The following CNTNAP5 variants were observed in gnomAD, a reference collection of about 807,000 sequenced individuals.
CNTNAP5 encodes the protein contactin-associated protein-like 5.
Under a neutral mutation model 150.2 loss-of-function variants are expected in CNTNAP5, and 72 were observed. The ratio of observed to expected loss-of-function variants is 0.48; its 90% CI spans 0.40 to 0.58. The LOEUF (loss-of-function observed/expected upper bound fraction) is 0.58. CNTNAP5 is among the 20% of genes least tolerant of loss of function. The pLI is 0.00. For synonymous variants in CNTNAP5, 672 were observed against 619.8 expected, an observed-to-expected ratio of 1.08 and a Z score of -1.25; for missense variants, 1,636 against 1,626.2, an observed-to-expected ratio of 1.01 and a Z score of -0.10.
intron 3 of CNTNAP5, among the ~76,000 whole-genome samples, chr2:124,340,021 T>C (rs999952805): frequency 1.3e-5 from 2 of 152,194 alleles, no homozygotes; most frequent in African/African-American, 4.8e-5. Flanking sequence ...TCTTATGACC[T>C]CTGTCCACAT....
At chr2:124,862,067 G>C (rs1348318114) in intron 19 of CNTNAP5, among the ~76,000 whole-genome samples, 1 of 152,180 alleles carries the variant, frequency 6.6e-6, no homozygotes, top group South Asian at 2.1e-4. Flanking sequence ...GCCTGCCTTG[G>C]CCTCCCAAAG....
At chr2:124,661,427 A>G (rs773156083) in intron 13 of CNTNAP5, among the ~76,000 whole-genome samples, 1 of 152,144 alleles carries the variant, frequency 6.6e-6, no homozygotes, top group Non-Finnish European at 1.5e-5. Flanking sequence ...CAGGATTATC[A>G]TCATCACTGT....
intron 13 of CNTNAP5, among the ~76,000 whole-genome samples, chr2:124,685,763 C>T (rs199829530): frequency 0.058 from 8,373 of 143,684 alleles, 683 homozygotes; most frequent in African/African-American, 0.18. Context: ...TGTGTGTGTG[C>T]GCGCGCGTGT....
At chr2:124,879,978 C>CAAG (rs1677934310) in intron 21 of CNTNAP5, among the ~76,000 whole-genome samples, 1 of 152,108 alleles carries the variant, frequency 6.6e-6, no homozygotes, top group Non-Finnish European at 1.5e-5. Context: ...CTGAAAGAAA[C>CAAG]AAGTGGAACA....
intron 1 of CNTNAP5, among the ~76,000 whole-genome samples, chr2:124,193,060 G>C (rs925490555): frequency 6.6e-6 from 1 of 151,990 alleles, no homozygotes; most frequent in Non-Finnish European, 1.5e-5. Context: ...CTCTGTTTTC[G>C]TGTGTTTGTG....
At chr2:124,231,333 T>C (rs933973176) in intron 2 of CNTNAP5, among the ~76,000 whole-genome samples, 1 of 152,160 alleles carries the variant, frequency 6.6e-6, no homozygotes, top group East Asian at 1.9e-4. Flanking sequence ...ACTTCAGTAC[T>C]CTGGTACTCA....
chr2:124,407,174 A>T (rs1438807747), intron 3 of CNTNAP5, among the ~76,000 whole-genome samples: 2 of 152,158 alleles, frequency 1.3e-5, no homozygotes, highest in African/African-American at 4.8e-5. Flanking sequence ...CTTTTGATAT[A>T]CTAATTTCCT....
intron 12 of CNTNAP5, among the ~76,000 whole-genome samples, chr2:124,634,861 G>A (rs1337180028): frequency 6.6e-6 from 1 of 152,080 alleles, no homozygotes; most frequent in Non-Finnish European, 1.5e-5. Flanking sequence ...TTGCCCATAT[G>A]ACTCAGAATT....
chr2:124,805,120 G>T (rs1314643255), intron 19 of CNTNAP5, among the ~76,000 whole-genome samples: 2 of 152,120 alleles, frequency 1.3e-5, no homozygotes, highest in African/African-American at 4.8e-5. Context: ...GGGCCTGGAA[G>T]GGACATTACC....
At chr2:124,377,374 G>A (rs987445258) in intron 3 of CNTNAP5, among the ~76,000 whole-genome samples, 3 of 152,026 alleles carry the variant, frequency 2.0e-5, no homozygotes, top group Non-Finnish European at 4.4e-5. Context: ...AAAAGAAATT[G>A]TAGATAAAAG....
intron 11 of CNTNAP5, among the ~76,000 whole-genome samples, chr2:124,604,100 TA>T (rs750720325): frequency 4.5e-4 from 68 of 152,340 alleles, no homozygotes; most frequent in Middle Eastern, 6.8e-3. Flanking sequence ...CTCTGTGCAT[TA>T]ATTTGCTTCT....
chr2:124,209,468 C>G (rs763451566), intron 1 of CNTNAP5, among the ~76,000 whole-genome samples: 8 of 152,314 alleles, frequency 5.3e-5, no homozygotes, highest in South Asian at 2.1e-4. Flanking sequence ...TCGATATTCT[C>G]TTTAAGTGCT....
intron 7 of CNTNAP5, among the ~76,000 whole-genome samples, chr2:124,499,371 C>A (rs1438807626): frequency 2.0e-5 from 3 of 152,162 alleles, no homozygotes; most frequent in Non-Finnish European, 4.4e-5. Flanking sequence ...ATGGAGAAGG[C>A]AGCCACTGTG....
At position 124,311,088 on chromosome 2, in the gene CNTNAP5, A is replaced by T. The variant is rs181086208; in HGVS notation, c.381+68695A>T. 1.6e-3 allele frequency among the ~76,000 whole-genome samples: 240 copies of T among 152,318 alleles called. 1 individual carries two copies. The highest frequency in any genetic ancestry group is 5.5e-3 in the African/African-American group (229 of 41,570). ...CTGCAAGACAACTTCAAGTCTTCTC[A>T]CGTCTTCCTAAGAATCCCTTCAGAT... On this transcript the variant is annotated intron_variant, in intron 3 of 23. Transcript: ENST00000682447.
At chr2:124,256,726 C>G (rs1226508200) in intron 3 of CNTNAP5, among the ~76,000 whole-genome samples, 1 of 152,176 alleles carries the variant, frequency 6.6e-6, no homozygotes, top group Non-Finnish European at 1.5e-5. Flanking sequence ...AACAAAGTCA[C>G]TCTTCTATTC....
intron 11 of CNTNAP5, among the ~76,000 whole-genome samples, chr2:124,590,611 T>C (rs1258062692): frequency 6.6e-6 from 1 of 152,250 alleles, no homozygotes; most frequent in Non-Finnish European, 1.5e-5. Flanking sequence ...AAGCATTTAC[T>C]TAATTACTAG....
intron 1 of CNTNAP5, among the ~76,000 whole-genome samples, chr2:124,062,939 T>G (rs1424067128): frequency 6.6e-6 from 1 of 152,118 alleles, no homozygotes; most frequent in Non-Finnish European, 1.5e-5. Context: ...GTATATCACA[T>G]TCATTCATTA....
chr2:124,679,400 A>C (rs1375135945), intron 13 of CNTNAP5, among the ~76,000 whole-genome samples: 1 of 151,872 alleles, frequency 6.6e-6, no homozygotes, highest in Admixed American at 6.7e-5. Context: ...CTGATTCTGA[A>C]GGACTTTGAC....
At chr2:124,867,112 T>C (rs1677649026) in intron 20 of CNTNAP5, among the ~76,000 whole-genome samples, 1 of 151,928 alleles carries the variant, frequency 6.6e-6, no homozygotes, top group Non-Finnish European at 1.5e-5. Context: ...GCATTCTCCT[T>C]CCTCCCTCCC....
Sources: gnomAD v4.1 joint callset for allele counts (sites outside exome capture counted in the v4.1 genomes callset) on GRCh38, gnomAD v4.1.1 for gene constraint, MANE v1.5 for transcripts, NCBI Gene and HGNC (gene_info 2026-07-23, HGNC 2026-07-21) for gene names.